ZDHHC15: variants seen among roughly 807,000 people sequenced by gnomAD.
ZDHHC15 encodes palmitoyltransferase ZDHHC15.
Under a neutral mutation model 31.7 loss-of-function variants are expected in ZDHHC15, and 19 were observed. That is an observed-to-expected ratio of 0.60 (90% CI 0.42 to 0.88). The LOEUF (loss-of-function observed/expected upper bound fraction) is 0.88. ZDHHC15 is among the 40% of genes least tolerant of loss of function. The pLI is 0.00. For synonymous variants in ZDHHC15, 103 were observed against 90.0 expected, an observed-to-expected ratio of 1.14 and a Z score of -0.82; for missense variants, 209 against 251.2, an observed-to-expected ratio of 0.83 and a Z score of 1.14.
At chrX:75,427,711 G>C (rs1190693068) in intron 7 of ZDHHC15, among the ~76,000 whole-genome samples, 1 of 111,346 alleles carries the variant, frequency 9.0e-6, no homozygotes, top group Non-Finnish European at 1.9e-5. Context: ...GCTGTGGAAA[G>C]GGACAAAGGA....
At chrX:75,457,645 TCACACACACACACA>T (rs35992807) in intron 3 of ZDHHC15, among the ~76,000 whole-genome samples, 5 of 93,916 alleles carry the variant, frequency 5.3e-5, no homozygotes, top group Non-Finnish European at 1.1e-4. Flanking sequence ...TTATTTACAC[TCACACACACACACA>T]CACACACACA....
intron 10 of ZDHHC15, among the ~76,000 whole-genome samples, chrX:75,413,546 T>A (rs751074484): frequency 1.1e-4 from 12 of 110,404 alleles, no homozygotes; most frequent in Non-Finnish European, 2.3e-4. Context: ...ATGCCTATAG[T>A]CTCAGCTACT....
intron 10 of ZDHHC15, among the ~76,000 whole-genome samples, chrX:75,388,170 C>A (rs1411846189): frequency 2.7e-5 from 3 of 112,154 alleles, no homozygotes; most frequent in Non-Finnish European, 3.8e-5. Context: ...CATCACCAGA[C>A]CAATCTTACA....
chrX:75,505,702 T>C, intron 2 of ZDHHC15, 119 bp downstream of exon 2: 1 of 831,905 alleles, frequency 1.2e-6, no homozygotes, highest in Non-Finnish European at 1.7e-6. Flanking sequence ...TTCTAAACTT[T>C]CTCCTCACCC....
chrX:75,477,770 G>A (rs941101829), intron 3 of ZDHHC15, among the ~76,000 whole-genome samples: 1 of 111,428 alleles, frequency 9.0e-6, no homozygotes, highest in African/African-American at 3.3e-5. Context: ...TTAGACTTTT[G>A]TAAACAGTAT....
chrX:75,410,611 G>A (rs1361835588), intron 10 of ZDHHC15, among the ~76,000 whole-genome samples: 2 of 111,853 alleles, frequency 1.8e-5, no homozygotes, highest in African/African-American at 3.2e-5. Flanking sequence ...GCACATGAAA[G>A]GGGAATGCTT....
At chrX:75,427,051 G>A (rs966459215) in intron 7 of ZDHHC15, among the ~76,000 whole-genome samples, 1 of 112,098 alleles carries the variant, frequency 8.9e-6, no homozygotes, top group African/African-American at 3.2e-5. Flanking sequence ...ATTGATAGGA[G>A]CACAGCTTGT....
intron 1 of ZDHHC15, among the ~76,000 whole-genome samples, chrX:75,516,400 G>A (rs2085357068): frequency 9.0e-6 from 1 of 111,688 alleles, no homozygotes; most frequent in Non-Finnish European, 1.9e-5. Flanking sequence ...ATAGACCAAT[G>A]GAACAGAACA....
At position 75,515,101 on chromosome X, in the gene ZDHHC15, A is replaced by C. The variant is rs192396828; in HGVS notation, c.136+7788T>G. 3.7e-3 allele frequency among the ~76,000 whole-genome samples: 417 copies of C among 111,210 alleles called. 3 individuals are homozygous for C. The highest frequency in any genetic ancestry group is 0.013 in the African/African-American group (396 of 30,517). On this transcript the variant is annotated intron_variant, in intron 1 of 11. Coordinates refer to ENST00000373367, the MANE Select transcript of ZDHHC15 (RefSeq NM_144969.3). ...ATAATTAATAGTCTACCAACCAAAAAAAGTCCAGGACCAGATGGATTCATA... is the reference window on the plus strand; with the variant it reads ...ATAATTAATAGTCTACCAACCAAAACAAGTCCAGGACCAGATGGATTCATA...
chrX:75,391,114 T>C (rs1311652265), intron 10 of ZDHHC15, among the ~76,000 whole-genome samples: 1 of 111,602 alleles, frequency 9.0e-6, no homozygotes. Context: ...AACAGCAGAA[T>C]TGACTAAACA....
chrX:75,437,528 T>C (rs1379329152), intron 4 of ZDHHC15, among the ~76,000 whole-genome samples: 4 of 92,009 alleles, frequency 4.3e-5, no homozygotes, highest in Non-Finnish European at 6.4e-5. Context: ...TGAGTGAGAA[T>C]ATGCGGTGTT....
chrX:75,487,831 G>T (rs1211525382), intron 2 of ZDHHC15, among the ~76,000 whole-genome samples: 1 of 111,569 alleles, frequency 9.0e-6, no homozygotes, highest in African/African-American at 3.3e-5. Flanking sequence ...GATCATAAAA[G>T]ACAAACACAA....
At chrX:75,467,020 C>A (rs770188636) in intron 3 of ZDHHC15, among the ~76,000 whole-genome samples, 8 of 111,235 alleles carry the variant, frequency 7.2e-5, no homozygotes, top group Non-Finnish European at 1.3e-4. Context: ...ATCTGCATAT[C>A]CTGCACATGT....
intron 7 of ZDHHC15, among the ~76,000 whole-genome samples, chrX:75,428,797 T>A (rs1200680876): frequency 9.0e-6 from 1 of 111,725 alleles, no homozygotes; most frequent in Non-Finnish European, 1.9e-5. Context: ...CCTGGAGAAA[T>A]ACATTGTAAA....
intron 4 of ZDHHC15, among the ~76,000 whole-genome samples, chrX:75,434,460 G>A (rs1028444855): frequency 8.9e-6 from 1 of 111,851 alleles, no homozygotes; most frequent in African/African-American, 3.3e-5. Context: ...AATGTTTATG[G>A]TTTCAGGTCT....
At chrX:75,494,907 T>G (rs747967120) in intron 2 of ZDHHC15, among the ~76,000 whole-genome samples, 6 of 111,425 alleles carry the variant, frequency 5.4e-5, no homozygotes, top group African/African-American at 1.3e-4. Flanking sequence ...CGAAAGCAAT[T>G]GCAACAAAAG....
At chrX:75,433,693 GTGTGTA>G (rs1286296581) in intron 4 of ZDHHC15, among the ~76,000 whole-genome samples, 5 of 4,163 alleles carry the variant, frequency 1.2e-3, no homozygotes, top group African/African-American at 1.5e-3. Context: ...GTGTGTGTGT[GTGTGTA>G]TATATATATA....
intron 3 of ZDHHC15, among the ~76,000 whole-genome samples, chrX:75,475,018 C>T (rs888425085): frequency 9.0e-6 from 1 of 110,996 alleles, no homozygotes; most frequent in Admixed American, 9.6e-5. Flanking sequence ...GAGATTGCGC[C>T]GCTGCACTCC....
chrX:75,390,030 T>A (rs765065172), intron 10 of ZDHHC15, among the ~76,000 whole-genome samples: 40 of 104,957 alleles, frequency 3.8e-4, no homozygotes, highest in African/African-American at 1.2e-3. Context: ...CATACCCTTA[T>A]TGAAGAGCCC....
Sources: gnomAD v4.1 joint callset for allele counts (sites outside exome capture counted in the v4.1 genomes callset) on GRCh38, gnomAD v4.1.1 for gene constraint, MANE v1.5 for transcripts, NCBI Gene and HGNC (gene_info 2026-07-23, HGNC 2026-07-21) for gene names.